Variants in SLC9A9 observed in about 807,000 individuals in gnomAD.
SLC9A9 encodes sodium/hydrogen exchanger 9.
In SLC9A9, 62 loss-of-function variants were observed where a neutral mutation model predicts 77.8. The ratio of observed to expected loss-of-function variants is 0.80; its 90% CI spans 0.65 to 0.98. The LOEUF (loss-of-function observed/expected upper bound fraction) is 0.98, where lower values mean the gene tolerates loss of function less well. Ranked by LOEUF, SLC9A9 falls within the 50% of genes least tolerant of loss-of-function variation. SLC9A9 has a pLI of 0.00. For missense variants in SLC9A9, 775 were observed against 774.9 expected (o/e 1.00, Z 0.00); for synonymous variants, 320 against 283.5 (o/e 1.13, Z -1.29).
intron 14 of SLC9A9, among the ~76,000 whole-genome samples, chr3:143,284,147 C>T (rs958245360): frequency 4.0e-5 from 6 of 151,676 alleles, no homozygotes; most frequent in Admixed American, 3.9e-4. Flanking sequence ...AGCATCGAGT[C>T]GTTATACTAT....
intron 1 of SLC9A9, among the ~76,000 whole-genome samples, chr3:143,837,564 T>C (rs1270710861): frequency 6.6e-6 from 1 of 152,104 alleles, no homozygotes; most frequent in Admixed American, 6.5e-5. Context: ...AACTGGTAAG[T>C]GTATCAGGTC....
At chr3:143,332,824 T>C (rs1343859002) in intron 14 of SLC9A9, among the ~76,000 whole-genome samples, 2 of 152,214 alleles carry the variant, frequency 1.3e-5, no homozygotes, top group African/African-American at 2.4e-5. Context: ...TTTACTCATA[T>C]AGTACTACTC....
chr3:143,295,230 A>C (rs926781913), intron 14 of SLC9A9, among the ~76,000 whole-genome samples: 1 of 152,176 alleles, frequency 6.6e-6, no homozygotes, highest in African/African-American at 2.4e-5. Flanking sequence ...GCAACAATTC[A>C]CTTTAGATGT....
At chr3:143,634,336 A>G (rs906481388) in intron 6 of SLC9A9, among the ~76,000 whole-genome samples, 2 of 151,962 alleles carry the variant, frequency 1.3e-5, no homozygotes, top group Non-Finnish European at 2.9e-5. Context: ...CCATCCAACT[A>G]TCTGTCATTC....
At chr3:143,606,403 T>TCTCTCC (rs1249643788) in intron 6 of SLC9A9, among the ~76,000 whole-genome samples, 4 of 39,512 alleles carry the variant, frequency 1.0e-4, no homozygotes, top group African/African-American at 4.2e-4. Context: ...AGAGTGAATC[T>TCTCTCC]CTCTCTCTCT....
At chr3:143,717,600 G>C (rs1934389205) in intron 4 of SLC9A9, among the ~76,000 whole-genome samples, 1 of 152,182 alleles carries the variant, frequency 6.6e-6, no homozygotes, top group Admixed American at 6.5e-5. Context: ...GCCTCCTTTT[G>C]ATGGGGACAC....
intron 11 of SLC9A9, among the ~76,000 whole-genome samples, chr3:143,478,321 T>C (rs1479041276): frequency 2.0e-5 from 3 of 152,126 alleles, no homozygotes; most frequent in Non-Finnish European, 1.5e-5. Context: ...GTGGTGCGAG[T>C]GACCAGGTTC....
chr3:143,440,031 C>T (rs1284201600), intron 12 of SLC9A9, among the ~76,000 whole-genome samples: 1 of 152,238 alleles, frequency 6.6e-6, no homozygotes, highest in African/African-American at 2.4e-5. Flanking sequence ...TTAACCAATG[C>T]ATACTACATT....
At chr3:143,545,745 C>A (rs2036777891) in intron 9 of SLC9A9, among the ~76,000 whole-genome samples, 1 of 152,140 alleles carries the variant, frequency 6.6e-6, no homozygotes, top group Non-Finnish European at 1.5e-5. Flanking sequence ...CAGTATGAAC[C>A]AGGGACTTTG....
intron 14 of SLC9A9, among the ~76,000 whole-genome samples, chr3:143,269,847 T>C (rs1303124466): frequency 6.6e-6 from 1 of 152,256 alleles, no homozygotes; most frequent in Non-Finnish European, 1.5e-5. Context: ...TATCATTGGT[T>C]GGATCATGAA....
Position 143,467,276 on chromosome 3 carries a change from C to A in SLC9A9, c.1316-86G>T, listed in dbSNP as rs1392974649. 3 of 1,481,504 alleles carry A rather than the reference C, an allele frequency of 2.0e-6. No homozygotes were observed. The Admixed American group carries it at 5.7e-5, about 28-fold the overall frequency. 91.8% of individuals were successfully genotyped at this position (1,481,504 alleles called of 1,614,324 possible). ...GATTCATCTTTACAATTTGCTGACA[C>A]AATTTTTTTAAATTAATCTTTTTAT... On this transcript the variant is annotated intron_variant, in intron 11 of 15. Transcript: ENST00000316549.
chr3:143,750,748 T>C (rs13065372), intron 4 of SLC9A9, among the ~76,000 whole-genome samples: 15 of 141,188 alleles, frequency 1.1e-4, no homozygotes, highest in Admixed American at 6.5e-4. Flanking sequence ...TATATATATA[T>C]ACATATATAA....
At chr3:143,429,395 A>C (rs2034466829) in intron 12 of SLC9A9, among the ~76,000 whole-genome samples, 2 of 152,224 alleles carry the variant, frequency 1.3e-5, no homozygotes, top group Admixed American at 6.5e-5. Flanking sequence ...ATGTCATAAT[A>C]GGACTGTGTG....
At chr3:143,753,457 T>C (rs967582723) in intron 4 of SLC9A9, among the ~76,000 whole-genome samples, 10 of 152,208 alleles carry the variant, frequency 6.6e-5, no homozygotes, top group African/African-American at 2.2e-4. Flanking sequence ...CAAGGTGGAA[T>C]TTTATCTCAA....
At chr3:143,617,645 A>G (rs766873787) in intron 6 of SLC9A9, among the ~76,000 whole-genome samples, 1 of 152,236 alleles carries the variant, frequency 6.6e-6, no homozygotes, top group Non-Finnish European at 1.5e-5. Context: ...ACTTTTCAGC[A>G]TGGCAAGAAT....
At chr3:143,427,423 G>C (rs943249031) in intron 12 of SLC9A9, among the ~76,000 whole-genome samples, 2 of 152,160 alleles carry the variant, frequency 1.3e-5, no homozygotes, top group African/African-American at 4.8e-5. Context: ...TGTTGCATCA[G>C]GGCATCTCAT....
chr3:143,331,846 A>G (rs2031781397), intron 14 of SLC9A9, among the ~76,000 whole-genome samples: 1 of 152,204 alleles, frequency 6.6e-6, no homozygotes, highest in African/African-American at 2.4e-5. Context: ...AGTTATAGGA[A>G]AAAAATGCTC....
At chr3:143,813,449 T>C (rs1007569492) in intron 2 of SLC9A9, among the ~76,000 whole-genome samples, 1 of 152,192 alleles carries the variant, frequency 6.6e-6, no homozygotes, top group Non-Finnish European at 1.5e-5. Flanking sequence ...ATTGGTGAAT[T>C]GGAGAAGAGG....
At chr3:143,438,755 C>T (rs1417386691) in intron 12 of SLC9A9, among the ~76,000 whole-genome samples, 1 of 152,160 alleles carries the variant, frequency 6.6e-6, no homozygotes, top group Non-Finnish European at 1.5e-5. Flanking sequence ...GCTCAAGCCA[C>T]ATGGTTCTTG....
Sources: gnomAD v4.1 joint callset for allele counts (sites outside exome capture counted in the v4.1 genomes callset) on GRCh38, gnomAD v4.1.1 for gene constraint, MANE v1.5 for transcripts, NCBI Gene and HGNC (gene_info 2026-07-23, HGNC 2026-07-21) for gene names.